Variants in REC114 observed in about 807,000 individuals in gnomAD.
REC114 encodes the protein REC114 meiotic recombination protein, also known as meiotic recombination protein REC114.
REC114 carries 27 observed loss-of-function variants against 31.3 expected under a neutral mutation model. The observed-to-expected ratio is 0.86, with a 90% CI of 0.64 to 1.19. The LOEUF (loss-of-function observed/expected upper bound fraction) is 1.19, where lower values mean the gene tolerates loss of function less well. Ranked by LOEUF, REC114 falls within the 50% of genes most tolerant of loss-of-function variation. REC114 has a pLI of 0.00. For missense variants in REC114, 344 were observed against 326.9 expected (o/e 1.05, Z -0.40); for synonymous variants, 134 against 127.7 (o/e 1.05, Z -0.33).
intron 2 of REC114, among the ~76,000 whole-genome samples, chr15:73,529,637 T>C (rs1403303355): frequency 1.3e-5 from 2 of 152,200 alleles, no homozygotes; most frequent in Non-Finnish European, 2.9e-5. Context: ...TAGCTTTGAA[T>C]GTTTGAAAAC....
intron 1 of REC114, among the ~76,000 whole-genome samples, chr15:73,460,484 G>C (rs1892975250): frequency 6.6e-6 from 1 of 152,116 alleles, no homozygotes; most frequent in South Asian, 2.1e-4. Context: ...ACAAATGACA[G>C]CACTGTATCT....
chr15:73,509,956 T>C (rs1470671201), intron 2 of REC114, among the ~76,000 whole-genome samples: 4 of 151,516 alleles, frequency 2.6e-5, no homozygotes, highest in South Asian at 2.1e-4. Context: ...AACTTTAAAG[T>C]AGTTTTTTCC....
chr15:73,445,730 T>C (rs772702638), intron 1 of REC114, among the ~76,000 whole-genome samples: 2 of 152,130 alleles, frequency 1.3e-5, no homozygotes, highest in Non-Finnish European at 2.9e-5. Flanking sequence ...GATGGAGCAG[T>C]TGGAATATAC....
chr15:73,551,193 G>T (rs1894388228), intron 4 of REC114, 43 bp downstream of exon 4: 1 of 1,535,722 alleles, frequency 6.5e-7, no homozygotes, highest in African/African-American at 1.4e-5. Flanking sequence ...ACATGACAAT[G>T]CAGTGCACAA....
At chr15:73,538,455 CTTTT>C (rs34642401) in intron 2 of REC114, among the ~76,000 whole-genome samples, 3 of 124,104 alleles carry the variant, frequency 2.4e-5, no homozygotes, top group Non-Finnish European at 3.3e-5. Context: ...AATTCTATTT[CTTTT>C]TTTTTTTTTT....
At chr15:73,494,688 G>C (rs948094626) in intron 2 of REC114, among the ~76,000 whole-genome samples, 1 of 152,062 alleles carries the variant, frequency 6.6e-6, no homozygotes, top group African/African-American at 2.4e-5. Flanking sequence ...TTTTGCAATT[G>C]GTTGATATTC....
rs1360274760 is a variant in REC114, at chr15:73,552,401, CATT to C, written c.546+1255_546+1257del. 4.6e-5 allele frequency among the ~76,000 whole-genome samples: 7 copies of C among 152,204 alleles called. 1 individual carries two copies. Among genetic ancestry groups the C allele is most frequent in the African/African-American group, 9.7e-5 (4 of 41,446 alleles). ...AGGTAGTAAAGAGATTTGCAAAAAT[CATT>C]ATTTTGTTTTAGAAAAGTTATTTTC... On this transcript the variant is annotated intron_variant, in intron 4 of 5. Coordinates refer to ENST00000331090, the MANE Select transcript of REC114 (RefSeq NM_001042367.2).
In REC114 at chr15:73,537,390, A is replaced by G. The variant is rs75591302; in HGVS notation, c.250-3095A>G. On this transcript the variant is annotated intron_variant, in intron 2 of 5. Transcript: ENST00000331090. Reference sequence around the variant, plus strand: ...ACAAATCGATGAAGAGCCATAAAGCAGCTCAACTAAGAGTTGCTGTTGAGG... The same window carrying G: ...ACAAATCGATGAAGAGCCATAAAGCGGCTCAACTAAGAGTTGCTGTTGAGG... Among the ~76,000 whole-genome samples the G allele has an allele frequency of 5.8e-3, 879 of 152,328 alleles. 5 individuals carry two copies. Among genetic ancestry groups the G allele is most frequent in the African/African-American group, 0.02 (837 of 41,574 alleles).
intron 1 of REC114, among the ~76,000 whole-genome samples, chr15:73,448,847 C>A (rs1415355283): frequency 1.3e-5 from 2 of 152,258 alleles, no homozygotes; most frequent in East Asian, 1.9e-4. Flanking sequence ...GATACCCAGG[C>A]AAACAGGGTC....
At chr15:73,478,844 A>G (rs1242464916) in intron 2 of REC114, among the ~76,000 whole-genome samples, 3 of 152,158 alleles carry the variant, frequency 2.0e-5, no homozygotes, top group Admixed American at 1.3e-4. Flanking sequence ...TAAAATTTCA[A>G]TATCTAATAG....
intron 2 of REC114, among the ~76,000 whole-genome samples, chr15:73,479,744 GAAA>G (rs1893266908): frequency 6.6e-6 from 1 of 152,060 alleles, no homozygotes; most frequent in Admixed American, 6.6e-5. Context: ...CCATGTTGTT[GAAA>G]ATGGTAGGAT....
chr15:73,502,361 G>A (rs939270743), intron 2 of REC114, among the ~76,000 whole-genome samples: 1 of 152,108 alleles, frequency 6.6e-6, no homozygotes, highest in Non-Finnish European at 1.5e-5. Flanking sequence ...CCAACCCCTT[G>A]CGCAGCTGAA....
chr15:73,498,449 C>CA (rs370272420), intron 2 of REC114, among the ~76,000 whole-genome samples: 12 of 151,994 alleles, frequency 7.9e-5, no homozygotes, highest in African/African-American at 2.9e-4. Flanking sequence ...AACAATTGGG[C>CA]AAAAAATAGT....
rs553651318 is a variant in REC114, at chr15:73,480,645, C to T, written c.249+6724C>T. Among the ~76,000 whole-genome samples, 3 of 152,172 alleles carry T rather than the reference C, an allele frequency of 2.0e-5. No homozygotes were observed. In the East Asian group the frequency reaches 5.8e-4, roughly 29 times the overall value. Reference sequence around the variant, plus strand: ...TATGTTGGTATTACATTTACACACCCTCTCCTTTCATACTAATCTGGGTCA... The same window carrying T: ...TATGTTGGTATTACATTTACACACCTTCTCCTTTCATACTAATCTGGGTCA... On this transcript the variant is annotated intron_variant, in intron 2 of 5. Transcript: ENST00000331090.
chr15:73,467,508 CAT>C (rs533019872), intron 1 of REC114, among the ~76,000 whole-genome samples: 33 of 152,324 alleles, frequency 2.2e-4, no homozygotes, highest in Non-Finnish European at 2.1e-4. Context: ...ATACTGCAAT[CAT>C]ATATTTGTTG....
intron 2 of REC114, among the ~76,000 whole-genome samples, chr15:73,531,418 G>T (rs571038549): frequency 2.0e-5 from 3 of 152,140 alleles, no homozygotes; most frequent in African/African-American, 7.2e-5. Flanking sequence ...AGGGGCCACG[G>T]AGTGCATGGA....
chr15:73,460,779 A>G (rs573382596), intron 1 of REC114, among the ~76,000 whole-genome samples: 3 of 152,308 alleles, frequency 2.0e-5, no homozygotes, highest in South Asian at 4.1e-4. Context: ...AGAAATAACC[A>G]GAGTGGCCTT....
At chr15:73,489,982 C>T (rs1166070261) in intron 2 of REC114, among the ~76,000 whole-genome samples, 1 of 152,154 alleles carries the variant, frequency 6.6e-6, no homozygotes, top group Non-Finnish European at 1.5e-5. Flanking sequence ...AGTGAGGTGA[C>T]CACCCATGAC....
intron 2 of REC114, among the ~76,000 whole-genome samples, chr15:73,479,548 C>A (rs1395595393): frequency 6.6e-6 from 1 of 152,032 alleles, no homozygotes; most frequent in African/African-American, 2.4e-5. Context: ...TCCTATATAA[C>A]TGAAGCTTCA....
Sources: allele counts gnomAD v4.1 joint callset (sites outside exome capture counted in the v4.1 genomes callset), GRCh38; gene constraint gnomAD v4.1.1; transcripts MANE v1.5; gene names NCBI Gene and HGNC (gene_info 2026-07-23, HGNC 2026-07-21).